Variants in ANO4 observed in about 807,000 individuals in gnomAD.
ANO4 encodes anoctamin 4.
Under a neutral mutation model 141.9 loss-of-function variants are expected in ANO4, and 69 were observed. The ratio of observed to expected loss-of-function variants is 0.49; its 90% CI spans 0.40 to 0.59. The LOEUF is 0.59. Ranked by LOEUF, ANO4 falls within the 20% of genes least tolerant of loss-of-function variation. The pLI, the probability that ANO4 is intolerant of heterozygous loss-of-function variation, is 0.00. For missense variants in ANO4, 894 were observed against 1,162.2 expected, an observed-to-expected ratio of 0.77 and a Z score of 3.36; for synonymous variants, 350 against 394.3, an observed-to-expected ratio of 0.89 and a Z score of 1.33.
Position 101,056,254 on chromosome 12 carries a change from C to T in ANO4, c.1312+7853C>T, listed in dbSNP as rs529125609. ...TGTCATTTAGCTTTTTGTTTATTTA[C>T]ATATTCTGTAATTTCTCTAAGCAAT... On this transcript the variant is annotated intron_variant, in intron 14 of 27. Coordinates refer to ENST00000392977, the MANE Select transcript of ANO4 (RefSeq NM_001286615.2). Among the ~76,000 whole-genome samples the T allele has an allele frequency of 1.6e-4, 25 of 152,214 alleles. No homozygotes were observed. The South Asian group carries it at 4.8e-3, about 29-fold the overall frequency.
At chr12:100,948,729 G>A (rs1466244587) in intron 5 of ANO4, among the ~76,000 whole-genome samples, 1 of 152,172 alleles carries the variant, frequency 6.6e-6, no homozygotes, top group Non-Finnish European at 1.5e-5. Flanking sequence ...TAGTCCTTGT[G>A]GTGGACAGAC....
In ANO4 at chr12:101,083,683, A is replaced by G; in HGVS notation, c.1401A>G (p.Glu467=). The G allele has an allele frequency of 6.2e-7, 1 of 1,605,898 alleles. No homozygotes were observed. The highest frequency in any genetic ancestry group is 8.5e-7 in the Non-Finnish European group (1 of 1,178,188). Residue 467 remains glutamate (E), a synonymous_variant, in exon 16 of 28, where the codon GAA becomes GAG. Coordinates refer to ENST00000392977, the MANE Select transcript of ANO4 (RefSeq NM_001286615.2). ...DLIDWEEEEE[E]IRPQFEAKYS... is the part of the protein sequence containing the mutation. ...TGTGTCTGCTTGTCCTTTAGGAAGA[A>G]ATACGACCCCAGTTTGAAGCCAAGT...
At chr12:101,120,498 A>C in intron 25 of ANO4, 22 bp from the exon 26 acceptor site, 2 of 1,593,418 alleles carry the variant, frequency 1.3e-6, no homozygotes, top group Non-Finnish European at 1.7e-6. Flanking sequence ...TTTGAATGCA[A>C]CATTTTTCTG....
chr12:101,126,625 G>T (rs1182874242), intron 26 of ANO4, among the ~76,000 whole-genome samples: 1 of 152,112 alleles, frequency 6.6e-6, no homozygotes, highest in Admixed American at 6.5e-5. Flanking sequence ...ACATTCTTCT[G>T]GCTCTCCTTT....
chr12:100,902,329 G>A (rs906738388), intron 2 of ANO4, among the ~76,000 whole-genome samples: 1 of 152,104 alleles, frequency 6.6e-6, no homozygotes, highest in African/African-American at 2.4e-5. Context: ...AAGCATCTGT[G>A]ATCTCTTTAA....
chr12:101,092,447 C>G lies in ANO4; in HGVS notation c.1702-1809C>G, dbSNP rs1054534501. On this transcript the variant is annotated intron_variant, in intron 17 of 27. Coordinates refer to ENST00000392977, the MANE Select transcript of ANO4 (RefSeq NM_001286615.2). The stretch of plus-strand genomic sequence containing the variant: ...CCACTGCTCTTAGCAGAACAAACTT[C>G]CCGTGGTTTATCTCTCAACCGTCTA... Among the ~76,000 whole-genome samples, 4 of 152,294 alleles carry G rather than the reference C, an allele frequency of 2.6e-5. No individual in the cohort carries two copies. The South Asian group carries it at 6.2e-4, about 24-fold the overall frequency.
intron 1 of ANO4, among the ~76,000 whole-genome samples, chr12:100,804,733 C>T (rs111355948): frequency 2.0e-5 from 3 of 152,184 alleles, no homozygotes; most frequent in African/African-American, 7.2e-5. Context: ...GTTTATTGGC[C>T]GCATGTATGT....
intron 1 of ANO4, among the ~76,000 whole-genome samples, chr12:100,880,808 G>A (rs1338251354): frequency 6.6e-6 from 1 of 152,256 alleles, no homozygotes; most frequent in African/African-American, 2.4e-5. Flanking sequence ...AGGTCTTTGC[G>A]CTATGAGAGT....
At chr12:101,081,617 G>A (rs1279971353) in intron 15 of ANO4, among the ~76,000 whole-genome samples, 1 of 152,084 alleles carries the variant, frequency 6.6e-6, no homozygotes, top group Non-Finnish European at 1.5e-5. Flanking sequence ...AGACCTTCTG[G>A]GGCAACCTCG....
intron 1 of ANO4, among the ~76,000 whole-genome samples, chr12:100,821,702 T>A (rs1387403344): frequency 6.6e-6 from 1 of 152,050 alleles, no homozygotes; most frequent in African/African-American, 2.4e-5. Context: ...AGTGTGGTAC[T>A]CCAGACCACA....
chr12:100,856,949 G>C (rs547890641), intron 1 of ANO4, among the ~76,000 whole-genome samples: 1 of 152,262 alleles, frequency 6.6e-6, no homozygotes, highest in Admixed American at 6.5e-5. Flanking sequence ...GTAAGGATGT[G>C]AGGGAGAGAA....
intron 17 of ANO4, among the ~76,000 whole-genome samples, chr12:101,089,386 T>C (rs1593240869): frequency 6.6e-6 from 1 of 152,108 alleles, no homozygotes; most frequent in East Asian, 1.9e-4. Context: ...TTGCTGATCA[T>C]TTTGACGTGA....
At chr12:100,912,406 A>AAG (rs1171700653) in intron 2 of ANO4, among the ~76,000 whole-genome samples, 7,232 of 100,944 alleles carry the variant, frequency 0.072, 224 homozygotes, top group African/African-American at 0.094. Context: ...AAAAAAAAAA[A>AAG]AAAGAAAAAA....
rs1300606280 is a variant in ANO4 at position 100,818,113 on chromosome 12, T to C, written c.-141+23086T>C. Among the ~76,000 whole-genome samples, 4 of 151,856 alleles carry C rather than the reference T, an allele frequency of 2.6e-5. No individual in the cohort carries two copies. In the East Asian group the frequency reaches 7.7e-4, roughly 29 times the overall value. Reference sequence around the variant, plus strand: ...CTAAACTTTTAGCTTATTTTAAAAATAGAAACACCAACTTTCTTTTTACAT... The same window carrying C: ...CTAAACTTTTAGCTTATTTTAAAAACAGAAACACCAACTTTCTTTTTACAT... On this transcript the variant is annotated intron_variant, in intron 1 of 27. Coordinates refer to ENST00000392977, the MANE Select transcript of ANO4 (RefSeq NM_001286615.2).
In ANO4 at chr12:101,083,653, T is replaced by C. The variant is rs773174265; in HGVS notation, c.1396-25T>C. ...TTGTGTGAGCACCTCTTTAGTGCATTAAAATGTGTCTGCTTGTCCTTTAGG... is the reference window on the plus strand; with the variant it reads ...TTGTGTGAGCACCTCTTTAGTGCATCAAAATGTGTCTGCTTGTCCTTTAGG... On this transcript the variant is annotated intron_variant, in intron 15 of 27. Coordinates refer to ENST00000392977, the MANE Select transcript of ANO4 (RefSeq NM_001286615.2). 4.4e-6 allele frequency: 7 copies of C among 1,596,948 alleles called. No homozygotes were observed. In the Admixed American group the frequency reaches 1.3e-4, roughly 30 times the overall value.
At chr12:100,854,983 T>C (rs554151083) in intron 1 of ANO4, among the ~76,000 whole-genome samples, 2 of 152,118 alleles carry the variant, frequency 1.3e-5, no homozygotes, top group East Asian at 1.9e-4. Context: ...TCACCTCATG[T>C]GGTCCCAAGT....
intron 3 of ANO4, among the ~76,000 whole-genome samples, chr12:100,935,166 T>C (rs149475951): frequency 0.043 from 6,539 of 152,314 alleles, 172 homozygotes; most frequent in Non-Finnish European, 0.056. Flanking sequence ...CCTTGTCTTG[T>C]GCTGGTTTTC....
At chr12:100,812,060 TTCC>T (rs1172578892) in intron 1 of ANO4, among the ~76,000 whole-genome samples, 2 of 151,928 alleles carry the variant, frequency 1.3e-5, no homozygotes, top group Non-Finnish European at 2.9e-5. Context: ...ACACGCGTAA[TTCC>T]TCTTCTCTCC....
chr12:101,083,756 T>C lies in ANO4; in HGVS notation c.1474T>C (p.Tyr492His). The change falls in exon 16 of 28, where the codon TAT becomes CAT. Residue 492 changes from tyrosine (Y) to histidine (H), a missense_variant. Coordinates refer to ENST00000392977, the MANE Select transcript of ANO4 (RefSeq NM_001286615.2). The stretch of plus-strand genomic sequence containing the variant: ...TCCAATTTCTGGAAAGCCAGAACCT[T>C]ATCAAGCATTTACAGATAAATGCAG... ...MNPISGKPEP[Y>H]QAFTDKCSRL... 1.2e-6 allele frequency: 2 copies of C among 1,605,046 alleles called. No individual in the cohort carries two copies. Among genetic ancestry groups the C allele is most frequent in the South Asian group, 1.1e-5 (1 of 88,372 alleles).
Sources: gnomAD v4.1 joint callset for allele counts (sites outside exome capture counted in the v4.1 genomes callset) on GRCh38, gnomAD v4.1.1 for gene constraint, MANE v1.5 for transcripts, NCBI Gene and HGNC (gene_info 2026-07-23, HGNC 2026-07-21) for gene names.